ERP44: variants seen among roughly 807,000 people sequenced by gnomAD.
ERP44 encodes endoplasmic reticulum protein 44, also known as endoplasmic reticulum resident protein 44.
A neutral mutation model predicts 53.4 loss-of-function variants in ERP44; 25 were observed. That is an observed-to-expected ratio of 0.47 (90% confidence interval 0.34 to 0.65). The LOEUF is 0.65. Among genes scored for constraint, ERP44 ranks in the 30% least tolerant of loss-of-function variants. The probability of loss-of-function intolerance (pLI) is 0.01; values close to 1 mark genes in which losing one functional copy is unlikely to be tolerated. For synonymous variants in ERP44, 145 were observed against 161.2 expected, an observed-to-expected ratio of 0.90 and a Z score of 0.76; for missense variants, 338 against 493.2, an observed-to-expected ratio of 0.69 and a Z score of 2.98.
At chr9:100,050,038 G>GA (rs35771600) in intron 4 of ERP44, among the ~76,000 whole-genome samples, 72 of 138,340 alleles carry the variant, frequency 5.2e-4, no homozygotes, top group Non-Finnish European at 7.1e-4. Flanking sequence ...ACTAAGTCCA[G>GA]AAAAAAAAAA....
At position 100,022,066 on chromosome 9, in the gene ERP44, G is replaced by A; in HGVS notation, c.447C>T (p.Asp149=). Residue 149 remains aspartate, a synonymous_variant, in exon 5 of 12, where the codon GAC becomes GAT. Coordinates refer to ENST00000262455, the MANE Select transcript of ERP44 (RefSeq NM_015051.3). ...QKSDPIQEIR[D]LAEITTLDRS... ...CATCAAGAGTGGTGATTTCTGCTAA[G>A]TCCCGAATTTCTTGAATGGGGTCAC... 1 of 1,613,652 alleles carries A rather than the reference G, an allele frequency of 6.2e-7. No homozygotes were observed. Among genetic ancestry groups the A allele is most frequent in the East Asian group, 2.2e-5 (1 of 44,862 alleles).
intron 1 of ERP44, among the ~76,000 whole-genome samples, chr9:100,097,045 T>C (rs1370249483): frequency 6.6e-6 from 1 of 152,188 alleles, no homozygotes; most frequent in East Asian, 1.9e-4. Flanking sequence ...TCTGGGGCTT[T>C]TTCAGCCTTT....
At position 99,981,361 on chromosome 9, in the gene ERP44, A is replaced by G. The variant is rs77514765; in HGVS notation, c.*1251T>C. The G allele has an allele frequency of 7.2e-5, 11 of 152,782 alleles. No homozygotes were observed. Among genetic ancestry groups the G allele is most frequent in the Non-Finnish European group, 1.5e-4 (10 of 68,036 alleles). 9.5% of individuals were successfully genotyped at this position (152,782 alleles called of 1,614,324 possible). A position where few individuals can be genotyped will look rare whatever the true frequency, so the allele number is the denominator to read the frequency against. On this transcript the variant is annotated 3_prime_UTR_variant, in exon 12 of 12. Transcript: ENST00000262455. ...TTTTAAAAGAATTGGAAGATGTTAC[A>G]TATATTACATACTACATATAATGGC... is the stretch of plus-strand genomic sequence containing the variant.
intron 8 of ERP44, among the ~76,000 whole-genome samples, chr9:100,014,623 A>T (rs1446016451): frequency 6.6e-6 from 1 of 152,218 alleles, no homozygotes; most frequent in Non-Finnish European, 1.5e-5. Context: ...TGGGAAAAAA[A>T]TTTAATATTT....
rs574116423 is a variant in ERP44 at position 100,033,049 on chromosome 9, AG to A, written c.287-10824del. Among the ~76,000 whole-genome samples, 360 of 152,362 alleles carry A rather than the reference AG, an allele frequency of 2.4e-3. 2 individuals are homozygous for A. The highest frequency in any genetic ancestry group is 4.3e-3 in the Non-Finnish European group (293 of 68,034). On this transcript the variant is annotated intron_variant, in intron 4 of 11. Transcript: ENST00000262455. ...TTAACAGCTTTTAATAATTAAGTAA[AG>A]TATACTCCTGTGAACAAAATTTGGA...
intron 1 of ERP44, among the ~76,000 whole-genome samples, chr9:100,064,986 T>C (rs1328925403): frequency 6.6e-6 from 1 of 152,170 alleles, no homozygotes; most frequent in Non-Finnish European, 1.5e-5. Flanking sequence ...GTTAATTTAG[T>C]ATTAAAGAAA....
chr9:99,998,908 C>T, intron 10 of ERP44: 1 of 1,595,364 alleles, frequency 6.3e-7, no homozygotes, highest in Non-Finnish European at 8.6e-7. Context: ...CCAGCAGTCT[C>T]AGGGTTGGCA....
At position 100,018,255 on chromosome 9, in the gene ERP44, C is replaced by T. The variant is rs1479455211; in HGVS notation, c.645+1G>A. 6.3e-7 allele frequency: 1 copy of T among 1,582,844 alleles called. No individual in the cohort carries two copies. Among genetic ancestry groups the T allele is most frequent in the Non-Finnish European group, 8.7e-7 (1 of 1,151,734 alleles). Reference sequence around the variant, plus strand: ...TACAACATTAAGAAATAGCAACTTACCCCTGGTGGTTTGTAGATTATGTTG... The same window carrying T: ...TACAACATTAAGAAATAGCAACTTATCCCTGGTGGTTTGTAGATTATGTTG... On this transcript the variant is annotated splice_donor_variant, in intron 7 of 11. Coordinates refer to ENST00000262455, the MANE Select transcript of ERP44 (RefSeq NM_015051.3). LOFTEE classifies it high-confidence loss of function.
At chr9:100,030,225 T>A (rs1281584204) in intron 4 of ERP44, among the ~76,000 whole-genome samples, 1 of 152,192 alleles carries the variant, frequency 6.6e-6, no homozygotes, top group East Asian at 1.9e-4. Flanking sequence ...TGGATTCACA[T>A]CAAATTCTTT....
intron 3 of ERP44, among the ~76,000 whole-genome samples, chr9:100,056,269 T>C (rs1826087936): frequency 6.6e-6 from 1 of 152,206 alleles, no homozygotes; most frequent in South Asian, 2.1e-4. Flanking sequence ...TATTAATACA[T>C]CTTGACAACC....
At chr9:100,036,032 TC>T (rs1232624047) in intron 4 of ERP44, among the ~76,000 whole-genome samples, 1 of 152,108 alleles carries the variant, frequency 6.6e-6, no homozygotes, top group Non-Finnish European at 1.5e-5. Flanking sequence ...AACCCAGCAA[TC>T]CCATTACTGG....
chr9:100,016,175 A>G (rs1444336206), intron 8 of ERP44, 147 bp downstream of exon 8: 5 of 1,238,896 alleles, frequency 4.0e-6, no homozygotes, highest in Non-Finnish European at 5.3e-6. Flanking sequence ...TCACTGGTGT[A>G]TATTACAGAA....
intron 1 of ERP44, among the ~76,000 whole-genome samples, chr9:100,089,296 G>A (rs1370252867): frequency 6.6e-6 from 1 of 152,130 alleles, no homozygotes; most frequent in Admixed American, 6.5e-5. Context: ...ATGCCAAAGA[G>A]AGGCCAGGCG....
intron 1 of ERP44, among the ~76,000 whole-genome samples, chr9:100,064,143 T>A (rs541380432): frequency 4.6e-5 from 7 of 152,216 alleles, no homozygotes; most frequent in Non-Finnish European, 8.8e-5. Flanking sequence ...AAGAAACAAA[T>A]TAATTCTATC....
intron 3 of ERP44, 127 bp from the exon 4 acceptor site, chr9:100,052,659 T>A (rs887408140): frequency 2.6e-4 from 136 of 514,472 alleles, no homozygotes; most frequent in Non-Finnish European, 4.1e-4. Context: ...ACACACTTAA[T>A]TTAATCATGG....
At chr9:100,003,847 T>C (rs1830402488) in intron 10 of ERP44, among the ~76,000 whole-genome samples, 1 of 152,080 alleles carries the variant, frequency 6.6e-6, no homozygotes. Flanking sequence ...GCCTGGAGCC[T>C]GGGTCTGCAG....
At chr9:100,034,927 TAC>T (rs1183615908) in intron 4 of ERP44, among the ~76,000 whole-genome samples, 4 of 152,126 alleles carry the variant, frequency 2.6e-5, no homozygotes, top group Non-Finnish European at 5.9e-5. Flanking sequence ...GCCACACACT[TAC>T]AACCACCTGA....
chr9:99,996,908 C>CATATATAT (rs746292113), intron 10 of ERP44, among the ~76,000 whole-genome samples: 13 of 22,486 alleles, frequency 5.8e-4, no homozygotes, highest in African/African-American at 3.3e-3. Flanking sequence ...TATATATATA[C>CATATATAT]ATATATATAT....
intron 1 of ERP44, among the ~76,000 whole-genome samples, chr9:100,074,983 G>A (rs1384768512): frequency 6.6e-6 from 1 of 152,222 alleles, no homozygotes; most frequent in Non-Finnish European, 1.5e-5. Flanking sequence ...GACTGGTAGG[G>A]TGAGGGCGAT....
Sources: allele counts gnomAD v4.1 joint callset (sites outside exome capture counted in the v4.1 genomes callset), GRCh38; gene constraint gnomAD v4.1.1; transcripts MANE v1.5; gene names NCBI Gene and HGNC (gene_info 2026-07-23, HGNC 2026-07-21).